The following ANKS1B variants were observed in gnomAD, a reference collection of about 807,000 sequenced individuals.
ANKS1B encodes ankyrin repeat and sterile alpha motif domain containing 1B.
A neutral mutation model predicts 148.3 loss-of-function variants in ANKS1B; 36 were observed. That is an observed-to-expected ratio of 0.24 (90% CI 0.19 to 0.32). The LOEUF is 0.32. Ranked by LOEUF, ANKS1B falls within the 10% of genes least tolerant of loss-of-function variation. The probability of loss-of-function intolerance (pLI) is 1.00; values close to 1 mark genes in which losing one functional copy is unlikely to be tolerated. For synonymous variants in ANKS1B, 542 were observed against 560.8 expected, an observed-to-expected ratio of 0.97 and a Z score of 0.47; for missense variants, 1,157 against 1,542.6, an observed-to-expected ratio of 0.75 and a Z score of 4.19.
At position 99,743,082 on chromosome 12, in the gene ANKS1B, A is replaced by G. The variant is rs11110022; in HGVS notation, c.1128+29840T>C. Among the ~76,000 whole-genome samples, 1,521 of 152,324 alleles carry G rather than the reference A, an allele frequency of 1.0e-2. 25 individuals carry two copies. The highest frequency in any genetic ancestry group is 0.034 in the African/African-American group (1,421 of 41,566). ...TGCTTTCTCTAGTTTATAGCCTAGC[A>G]GGCAGAAACTCTGCCTTAATTATTC... On this transcript the variant is annotated intron_variant, in intron 8 of 26. Transcript: ENST00000683438.
chr12:99,114,916 C>T (rs2061031745), intron 15 of ANKS1B, among the ~76,000 whole-genome samples: 1 of 151,848 alleles, frequency 6.6e-6, no homozygotes, highest in South Asian at 2.1e-4. Flanking sequence ...CAAATCAAAA[C>T]CACAATAAGA....
intron 1 of ANKS1B, among the ~76,000 whole-genome samples, chr12:99,848,237 T>G (rs11110069): frequency 0.063 from 9,580 of 152,108 alleles, 334 homozygotes; most frequent in Middle Eastern, 0.15. Flanking sequence ...GCAGTCACAG[T>G]GTATGAGGCA....
chr12:99,754,692 A>G (rs1282674105), intron 8 of ANKS1B, among the ~76,000 whole-genome samples: 1 of 152,332 alleles, frequency 6.6e-6, no homozygotes, highest in East Asian at 1.9e-4. Flanking sequence ...AGACTAAGAA[A>G]TTCACTCAAA....
chr12:99,670,944 T>G (rs1156907207), intron 8 of ANKS1B, among the ~76,000 whole-genome samples: 1 of 152,162 alleles, frequency 6.6e-6, no homozygotes, highest in Non-Finnish European at 1.5e-5. Context: ...ACTGATAGTT[T>G]AAAACAAGTT....
chr12:99,910,329 T>G (rs780494276), intron 1 of ANKS1B, among the ~76,000 whole-genome samples: 8 of 112,900 alleles, frequency 7.1e-5, no homozygotes, highest in Non-Finnish European at 1.2e-4. Context: ...CATTCCAGCC[T>G]GGGCTACAGG....
chr12:99,981,409 CAGA>C (rs1307346681), intron 1 of ANKS1B, among the ~76,000 whole-genome samples: 1 of 152,008 alleles, frequency 6.6e-6, no homozygotes, highest in Non-Finnish European at 1.5e-5. Context: ...AACAAGTAAT[CAGA>C]AGCATCTTCA....
chr12:98,835,997 C>A (rs1442539851), intron 17 of ANKS1B, among the ~76,000 whole-genome samples: 1 of 152,170 alleles, frequency 6.6e-6, no homozygotes, highest in Non-Finnish European at 1.5e-5. Flanking sequence ...AAACCATTCT[C>A]ATTTTAGAGA....
intron 1 of ANKS1B, among the ~76,000 whole-genome samples, chr12:99,868,305 T>C (rs2091020916): frequency 6.6e-6 from 1 of 152,220 alleles, no homozygotes; most frequent in African/African-American, 2.4e-5. Context: ...TTTACTGAGC[T>C]GTACAAATAC....
At chr12:99,857,732 A>G (rs978393776) in intron 1 of ANKS1B, among the ~76,000 whole-genome samples, 8 of 152,160 alleles carry the variant, frequency 5.3e-5, no homozygotes, top group Non-Finnish European at 1.2e-4. Context: ...AAATACACCC[A>G]AATACTTACA....
At chr12:99,537,271 T>C (rs111366918) in intron 9 of ANKS1B, among the ~76,000 whole-genome samples, 21,252 of 152,180 alleles carry the variant, frequency 0.14, 1,681 homozygotes, top group Non-Finnish European at 0.17. Flanking sequence ...TCTTTGGGTA[T>C]ATATCCAGCA....
intron 10 of ANKS1B, among the ~76,000 whole-genome samples, chr12:99,464,966 G>A (rs944965309): frequency 4.6e-5 from 7 of 152,116 alleles, no homozygotes; most frequent in Non-Finnish European, 1.0e-4. Flanking sequence ...TCCTCGAGAA[G>A]AGCAACTCCA....
intron 9 of ANKS1B, among the ~76,000 whole-genome samples, chr12:99,563,638 T>G (rs538263023): frequency 6.6e-6 from 1 of 152,244 alleles, no homozygotes; most frequent in East Asian, 1.9e-4. Context: ...ATGAAAAAGT[T>G]TGAAATAGGA....
intron 15 of ANKS1B, among the ~76,000 whole-genome samples, chr12:99,107,106 A>G (rs2059384476): frequency 6.6e-6 from 1 of 151,890 alleles, no homozygotes; most frequent in Admixed American, 6.6e-5. Flanking sequence ...TAATATAGTG[A>G]AAATATATAA....
At chr12:99,742,868 A>G (rs2153583176) in intron 8 of ANKS1B, among the ~76,000 whole-genome samples, 1 of 150,840 alleles carries the variant, frequency 6.6e-6, no homozygotes, top group East Asian at 1.9e-4. Context: ...TGCACACTAG[A>G]ATTTAAGTTT....
intron 12 of ANKS1B, among the ~76,000 whole-genome samples, chr12:99,377,038 T>G (rs1216196879): frequency 6.6e-6 from 1 of 151,478 alleles, no homozygotes; most frequent in African/African-American, 2.4e-5. Flanking sequence ...AGATGGAGTC[T>G]CGCTCTGTCG....
chr12:99,400,605 C>T (rs1239848400), intron 11 of ANKS1B, among the ~76,000 whole-genome samples: 2 of 144,444 alleles, frequency 1.4e-5, no homozygotes, highest in Non-Finnish European at 3.0e-5. Context: ...TAACATTGTC[C>T]TTCAGAAAAA....
chr12:99,735,910 T>C (rs752639127), intron 8 of ANKS1B, among the ~76,000 whole-genome samples: 1 of 148,704 alleles, frequency 6.7e-6, no homozygotes, highest in Non-Finnish European at 1.5e-5. Context: ...AGATAACACA[T>C]ACACCATGAT....
chr12:98,908,913 C>T (rs968277360), intron 17 of ANKS1B, among the ~76,000 whole-genome samples: 2 of 152,108 alleles, frequency 1.3e-5, no homozygotes, highest in African/African-American at 4.8e-5. Context: ...ACCTACCCAC[C>T]GTCATGAAAT....
intron 15 of ANKS1B, among the ~76,000 whole-genome samples, chr12:99,105,661 C>T (rs940439062): frequency 2.0e-5 from 3 of 147,636 alleles, no homozygotes; most frequent in Non-Finnish European, 3.0e-5. Context: ...CCCAGCTACT[C>T]GGTAGGCTGA....
Sources: gnomAD v4.1 joint callset for allele counts (sites outside exome capture counted in the v4.1 genomes callset) on GRCh38, gnomAD v4.1.1 for gene constraint, MANE v1.5 for transcripts, NCBI Gene and HGNC (gene_info 2026-07-23, HGNC 2026-07-21) for gene names.